TEX11: variants seen among roughly 807,000 people sequenced by gnomAD.
TEX11 encodes testis-expressed protein 11.
Under a neutral mutation model 84.4 loss-of-function variants are expected in TEX11, and 7 were observed. The ratio of observed to expected loss-of-function variants is 0.08; its 90% CI spans 0.05 to 0.16. The LOEUF is 0.16. TEX11 is among the 10% of genes least tolerant of loss of function. The pLI, the probability that TEX11 is intolerant of heterozygous loss-of-function variation, is 1.00. For missense variants in TEX11, 551 were observed against 660.5 expected (o/e 0.83, Z 1.82); for synonymous variants, 264 against 222.8 (o/e 1.18, Z -1.64).
chrX:70,758,763 AAGATC>A (rs2090887099), intron 9 of TEX11, among the ~76,000 whole-genome samples: 1 of 112,116 alleles, frequency 8.9e-6, no homozygotes, highest in African/African-American at 3.2e-5. Context: ...AGAAATAACT[AAGATC>A]AGAGCAGAAC....
chrX:70,636,291 A>T (rs944305365), intron 17 of TEX11, among the ~76,000 whole-genome samples: 4 of 110,519 alleles, frequency 3.6e-5, no homozygotes, highest in Non-Finnish European at 7.6e-5. Flanking sequence ...GAGGCTCCAC[A>T]TCTGCCCCAA....
intron 7 of TEX11, among the ~76,000 whole-genome samples, chrX:70,842,833 C>G (rs964445678): frequency 7.2e-5 from 8 of 111,341 alleles, no homozygotes; most frequent in Non-Finnish European, 1.1e-4. Context: ...TCTTATACAC[C>G]AATAACAGAC....
chrX:70,714,614 C>T (rs1156686673), intron 13 of TEX11, among the ~76,000 whole-genome samples: 3 of 111,439 alleles, frequency 2.7e-5, no homozygotes, highest in Non-Finnish European at 5.7e-5. Context: ...AGGATTGCAA[C>T]CCCTGCCTTT....
intron 25 of TEX11, among the ~76,000 whole-genome samples, chrX:70,578,728 A>AT (rs2088715699): frequency 1.2e-5 from 1 of 84,472 alleles, no homozygotes; most frequent in South Asian, 5.2e-4. Context: ...TTACATACAT[A>AT]TTTTTTTAAC....
At chrX:70,569,179 T>G (rs1204800472) in intron 25 of TEX11, among the ~76,000 whole-genome samples, 1 of 112,179 alleles carries the variant, frequency 8.9e-6, no homozygotes, top group African/African-American at 3.2e-5. Context: ...CTGACACCCT[T>G]TCTTCCAGTT....
At chrX:70,785,297 C>G (rs761155629) in intron 9 of TEX11, among the ~76,000 whole-genome samples, 2 of 111,959 alleles carry the variant, frequency 1.8e-5, no homozygotes, top group Admixed American at 1.9e-4. Flanking sequence ...AACTGGATCC[C>G]TTCCATACAG....
chrX:70,554,132 A>G (rs1310968139), intron 26 of TEX11, among the ~76,000 whole-genome samples: 2 of 111,933 alleles, frequency 1.8e-5, no homozygotes, highest in African/African-American at 6.5e-5. Flanking sequence ...TGTACTCCCA[A>G]AAAGGCTCTA....
chrX:70,525,033 T>C (rs1247841013), downstream of TEX11, among the ~76,000 whole-genome samples: 1 of 110,583 alleles, frequency 9.0e-6, no homozygotes, highest in Non-Finnish European at 1.9e-5. Flanking sequence ...TAAAAAAAAT[T>C]AGCTAATCAT....
intron 20 of TEX11, among the ~76,000 whole-genome samples, chrX:70,613,252 C>G (rs1569356610): frequency 8.9e-6 from 1 of 111,786 alleles, no homozygotes; most frequent in African/African-American, 3.3e-5. Flanking sequence ...TGAGCACTCA[C>G]AGTATCTGGT....
chrX:70,878,168 CTTTTTT>C (rs34459152), intron 3 of TEX11, among the ~76,000 whole-genome samples: 7 of 72,539 alleles, frequency 9.6e-5, no homozygotes, highest in Non-Finnish European at 1.8e-4. Context: ...CTCTATCCCT[CTTTTTT>C]TTTTTTTTTT....
At chrX:70,850,988 A>G in intron 7 of TEX11, among the ~76,000 whole-genome samples, 1 of 112,536 alleles carries the variant, frequency 8.9e-6, no homozygotes, top group Non-Finnish European at 1.9e-5. Flanking sequence ...TTCATGGATC[A>G]GAACACAATA....
intron 4 of TEX11, 120 bp downstream of exon 4, chrX:70,873,103 T>C (rs990887187): frequency 2.3e-6 from 1 of 437,960 alleles, no homozygotes; most frequent in African/African-American, 2.5e-5. Context: ...GGTTGTTTTG[T>C]TTGTCTTTTA....
intron 25 of TEX11, among the ~76,000 whole-genome samples, chrX:70,577,898 T>G (rs902691455): frequency 9.0e-6 from 1 of 110,626 alleles, no homozygotes; most frequent in African/African-American, 3.3e-5. Flanking sequence ...AAGCTAATTT[T>G]TGTATTTTTA....
At chrX:70,676,353 T>C (rs2090071605) in intron 15 of TEX11, among the ~76,000 whole-genome samples, 1 of 112,614 alleles carries the variant, frequency 8.9e-6, no homozygotes, top group African/African-American at 3.2e-5. Context: ...TTTTAAACAA[T>C]ACTTGTGCTG....
At chrX:70,512,082 C>T in the TEX11 span, among the ~76,000 whole-genome samples, 1 of 107,631 alleles carries the variant, frequency 9.3e-6, no homozygotes, top group Non-Finnish European at 1.9e-5. Context: ...CTCCATGCTG[C>T]AAATACACTG....
intron 7 of TEX11, among the ~76,000 whole-genome samples, chrX:70,845,155 G>A (rs1162124816): frequency 9.0e-6 from 1 of 110,794 alleles, no homozygotes; most frequent in Non-Finnish European, 1.9e-5. Context: ...TATTCACTTG[G>A]TTCATTTTAT....
chrX:70,903,216 TA>T (rs1213734396), intron 2 of TEX11, among the ~76,000 whole-genome samples: 1 of 107,798 alleles, frequency 9.3e-6, no homozygotes, highest in Admixed American at 9.7e-5. Context: ...AAGATGATGA[TA>T]AAAAAATAGT....
intron 2 of TEX11, among the ~76,000 whole-genome samples, chrX:70,880,392 TA>T (rs1179668171): frequency 9.0e-6 from 1 of 111,496 alleles, no homozygotes; most frequent in Admixed American, 9.6e-5. Flanking sequence ...TGTTATTAGG[TA>T]ATATTAAAAG....
chrX:70,524,598 G>T (rs1044132601), downstream of TEX11, among the ~76,000 whole-genome samples: 1 of 112,414 alleles, frequency 8.9e-6, no homozygotes, highest in Non-Finnish European at 1.9e-5. Flanking sequence ...ATGGAGTTTC[G>T]CTCGTTGCCC....
Sources: allele counts gnomAD v4.1 joint callset (sites outside exome capture counted in the v4.1 genomes callset), GRCh38; gene constraint gnomAD v4.1.1; transcripts MANE v1.5; gene names NCBI Gene and HGNC (gene_info 2026-07-23, HGNC 2026-07-21).